The following CTNNA2 variants were observed in gnomAD, a reference collection of about 807,000 sequenced individuals.
CTNNA2 encodes catenin alpha-2.
Under a neutral mutation model 101.0 loss-of-function variants are expected in CTNNA2, and 42 were observed. The observed-to-expected ratio is 0.42, with a 90% CI of 0.32 to 0.54. The LOEUF (loss-of-function observed/expected upper bound fraction) is 0.54, where lower values mean the gene tolerates loss of function less well. CTNNA2 is among the 20% of genes least tolerant of loss of function. The pLI, the probability that CTNNA2 is intolerant of heterozygous loss-of-function variation, is 0.14. For synonymous variants in CTNNA2, 450 were observed against 456.4 expected (o/e 0.99, Z 0.18); for missense variants, 871 against 1,223.1 (o/e 0.71, Z 4.29).
chr2:79,995,138 C>G (rs969882431), intron 7 of CTNNA2, among the ~76,000 whole-genome samples: 23 of 152,172 alleles, frequency 1.5e-4, no homozygotes, highest in African/African-American at 5.1e-4. Flanking sequence ...TGAGTCAGTT[C>G]TCCTTGGCAA....
chr2:80,241,563 CATCT>C (rs916338267), intron 7 of CTNNA2, among the ~76,000 whole-genome samples: 2 of 149,648 alleles, frequency 1.3e-5, no homozygotes, highest in African/African-American at 2.5e-5. Flanking sequence ...TCTGTATCTC[CATCT>C]ATCTATCAAT....
intron 2 of CTNNA2, among the ~76,000 whole-genome samples, chr2:79,222,980 T>TA (rs1310486990): frequency 1.3e-5 from 2 of 149,924 alleles, no homozygotes; most frequent in Non-Finnish European, 3.0e-5. Flanking sequence ...ACCCTGTCTG[T>TA]AAAAAAAGTT....
At chr2:80,322,277 A>G (rs1252038191) in intron 7 of CTNNA2, among the ~76,000 whole-genome samples, 1 of 152,202 alleles carries the variant, frequency 6.6e-6, no homozygotes, top group African/African-American at 2.4e-5. Context: ...GATTAAAACT[A>G]GGTAATACAG....
intron 1 of CTNNA2, among the ~76,000 whole-genome samples, chr2:79,636,269 C>CAAAAAAAAAAAAAAAA (rs57739991): frequency 4.5e-5 from 3 of 67,260 alleles, no homozygotes; most frequent in Non-Finnish European, 9.5e-5. Context: ...GACTCTGTCT[C>CAAAAAAAAAAAAAAAA]AAAAAAAAAA....
chr2:80,230,987 T>G (rs1053037271), intron 7 of CTNNA2, among the ~76,000 whole-genome samples: 13 of 129,906 alleles, frequency 1.0e-4, no homozygotes, highest in African/African-American at 5.4e-4. Context: ...GTTTTGTTTT[T>G]ATGGGCCAGA....
chr2:79,201,086 T>C (rs1046504068), intron 2 of CTNNA2, among the ~76,000 whole-genome samples: 4 of 151,888 alleles, frequency 2.6e-5, no homozygotes, highest in Admixed American at 2.0e-4. Context: ...AATAAAACAT[T>C]TCCCCCCCCC....
At chr2:79,383,603 G>A (rs1171954920) in intron 4 of CTNNA2, among the ~76,000 whole-genome samples, 1 of 152,168 alleles carries the variant, frequency 6.6e-6, no homozygotes, top group Admixed American at 6.5e-5. Flanking sequence ...TGCGTATGCA[G>A]GCAGATGTTA....
chr2:79,991,302 A>G (rs991830729), intron 7 of CTNNA2, among the ~76,000 whole-genome samples: 1 of 152,202 alleles, frequency 6.6e-6, no homozygotes, highest in East Asian at 1.9e-4. Flanking sequence ...ACAAAGCTAC[A>G]GTGAATGGAA....
chr2:80,556,118 C>A (rs1287710102), intron 12 of CTNNA2, among the ~76,000 whole-genome samples: 6 of 152,234 alleles, frequency 3.9e-5, no homozygotes, highest in Non-Finnish European at 8.8e-5. Context: ...TTTCTTTATA[C>A]TTTTCATATA....
intron 3 of CTNNA2, among the ~76,000 whole-genome samples, chr2:79,320,262 T>TA (rs1351261334): frequency 8.5e-6 from 1 of 117,994 alleles, no homozygotes; most frequent in Admixed American, 8.1e-5. Flanking sequence ...ACGTTTCAAT[T>TA]TTTTTTTTTT....
chr2:80,111,677 A>C (rs532393269), intron 7 of CTNNA2, among the ~76,000 whole-genome samples: 72 of 152,180 alleles, frequency 4.7e-4, no homozygotes, highest in Non-Finnish European at 1.5e-5. Flanking sequence ...AAGTAGCTGA[A>C]ACCACAGGCA....
intron 7 of CTNNA2, among the ~76,000 whole-genome samples, chr2:80,346,861 T>A (rs1672782281): frequency 6.6e-6 from 1 of 152,198 alleles, no homozygotes; most frequent in South Asian, 2.1e-4. Flanking sequence ...GGTACCCCCA[T>A]GTGTTGAATA....
chr2:80,460,520 T>C (rs1019948135), intron 9 of CTNNA2, among the ~76,000 whole-genome samples: 13 of 152,086 alleles, frequency 8.5e-5, no homozygotes, highest in Non-Finnish European at 1.6e-4. Flanking sequence ...TTATGTACTA[T>C]ATGCAAGGTA....
At chr2:79,797,571 G>T (rs545680242) in intron 3 of CTNNA2, among the ~76,000 whole-genome samples, 4 of 150,154 alleles carry the variant, frequency 2.7e-5, no homozygotes, top group Non-Finnish European at 4.4e-5. Context: ...TGAGGCAGGA[G>T]AACTGCTTGA....
chr2:80,204,803 C>T (rs1419015331), intron 7 of CTNNA2, among the ~76,000 whole-genome samples: 1 of 148,110 alleles, frequency 6.8e-6, no homozygotes, highest in Admixed American at 6.8e-5. Flanking sequence ...CTGATAAAGA[C>T]ATACCCAAGA....
At chr2:80,006,194 A>G (rs416757) in intron 7 of CTNNA2, among the ~76,000 whole-genome samples, 134,306 of 151,982 alleles carry the variant, frequency 0.88, 59,650 homozygotes, top group African/African-American at 0.94. Flanking sequence ...ATATGTTTTA[A>G]CATGGAACTT....
intron 2 of CTNNA2, among the ~76,000 whole-genome samples, chr2:79,667,494 T>A (rs904654559): frequency 1.1e-4 from 16 of 152,210 alleles, no homozygotes; most frequent in Non-Finnish European, 1.9e-4. Flanking sequence ...GGTCCTCCAG[T>A]TTAAACTCAT....
At chr2:80,182,442 G>A (rs1705843682) in intron 7 of CTNNA2, among the ~76,000 whole-genome samples, 1 of 152,046 alleles carries the variant, frequency 6.6e-6, no homozygotes, top group South Asian at 2.1e-4. Flanking sequence ...ATCTCCTTTG[G>A]CAATACCCTC....
intron 9 of CTNNA2, among the ~76,000 whole-genome samples, chr2:80,425,640 G>A (rs1680923587): frequency 6.6e-6 from 1 of 151,952 alleles, no homozygotes; most frequent in Non-Finnish European, 1.5e-5. Flanking sequence ...CAGTGATGAT[G>A]GTTTTAGTCC....
Sources: gnomAD v4.1 joint callset for allele counts (sites outside exome capture counted in the v4.1 genomes callset) on GRCh38, gnomAD v4.1.1 for gene constraint, MANE v1.5 for transcripts, NCBI Gene and HGNC (gene_info 2026-07-23, HGNC 2026-07-21) for gene names.